The following GK variants were observed in gnomAD, a reference collection of about 807,000 sequenced individuals.
GK encodes ATP:glycerol 3-phosphotransferase.
Under a neutral mutation model 56.4 loss-of-function variants are expected in GK, and 9 were observed. That is an observed-to-expected ratio of 0.16 (90% CI 0.10 to 0.28). The LOEUF (loss-of-function observed/expected upper bound fraction) is 0.28, where lower values mean the gene tolerates loss of function less well. Among genes scored for constraint, GK ranks in the 10% least tolerant of loss-of-function variants. The probability of loss-of-function intolerance (pLI) is 1.00; values close to 1 mark genes in which losing one functional copy is unlikely to be tolerated. For missense variants in GK, 161 were observed against 431.4 expected, an observed-to-expected ratio of 0.37 and a Z score of 5.55; for synonymous variants, 104 against 144.1, an observed-to-expected ratio of 0.72 and a Z score of 1.99.
rs1249866822 is a variant in GK at position 30,670,918 on chromosome X, G to T, written c.259+2800G>T. 5.3e-4 allele frequency among the ~76,000 whole-genome samples: 57 copies of T among 108,060 alleles called. No individual in the cohort carries two copies. The Admixed American group carries it at 5.3e-3, about 10-fold the overall frequency. The allele number at this position is 108,060 out of a possible 115,157, so 93.8% of individuals were successfully genotyped here. The stretch of plus-strand genomic sequence containing the variant: ...GAATCGCTTGAACCCAGGAGGCAGA[G>T]GTTGTGGTGAGCCGAGATTGCCCCA... On this transcript the variant is annotated intron_variant, in intron 3 of 20. Coordinates refer to ENST00000427190, the MANE Select transcript of GK (RefSeq NM_001205019.2).
At chrX:30,684,392 G>A (rs1396733509) in intron 4 of GK, among the ~76,000 whole-genome samples, 1 of 112,213 alleles carries the variant, frequency 8.9e-6, no homozygotes, top group Non-Finnish European at 1.9e-5. Flanking sequence ...TAGGCCAGGC[G>A]TGGTGGCTCA....
In GK at chrX:30,712,674, C is replaced by T. The variant is rs914439902; in HGVS notation, c.975+4540C>T. Among the ~76,000 whole-genome samples the T allele has an allele frequency of 6.7e-5, 7 of 104,271 alleles. No individual in the cohort carries two copies. In the East Asian group the frequency reaches 1.5e-3, roughly 22 times the overall value. The allele number at this position is 104,271 out of a possible 115,157, so 90.5% of individuals were successfully genotyped here. ...AAAATCTGTGTTAGGCCGGAATGAA[C>T]TCTAGTCCAGCTATTAAGTTTGTTG... On this transcript the variant is annotated intron_variant, in intron 13 of 20. Coordinates refer to ENST00000427190, the MANE Select transcript of GK (RefSeq NM_001205019.2).
At chrX:30,719,749 G>T (rs190036220) in intron 15 of GK, among the ~76,000 whole-genome samples, 1 of 112,135 alleles carries the variant, frequency 8.9e-6, no homozygotes, top group African/African-American at 3.2e-5. Context: ...ATGTCTGTAA[G>T]TTGTATAGTG....
intron 1 of GK, among the ~76,000 whole-genome samples, chrX:30,657,007 C>T (rs1309394284): frequency 4.5e-5 from 5 of 111,543 alleles, no homozygotes. Flanking sequence ...TGCGCCACCA[C>T]GCCCGGCTAA....
At chrX:30,663,591 A>C (rs769943463) in intron 1 of GK, among the ~76,000 whole-genome samples, 1 of 111,149 alleles carries the variant, frequency 9.0e-6, no homozygotes, top group South Asian at 3.7e-4. Flanking sequence ...AAGATATTTT[A>C]TCTTCTCAAA....
rs368743449 is a variant in GK at position 30,662,809 on chromosome X, T to TTCTCTCTCTC, written c.79-2686_79-2677dup. Among the ~76,000 whole-genome samples, 334 of 62,185 alleles carry TTCTCTCTCTC rather than the reference T, an allele frequency of 5.4e-3. 7 individuals carry two copies. Among genetic ancestry groups the TTCTCTCTCTC allele is most frequent in the Non-Finnish European group, 8.3e-3 (285 of 34,144 alleles). 54.0% of individuals were successfully genotyped at this position (62,185 alleles called of 115,157 possible). A position where few individuals can be genotyped will look rare whatever the true frequency, so the allele number is the denominator to read the frequency against. The stretch of plus-strand genomic sequence containing the variant: ...TCTCTTTCTTTCCTTCCTTCCTTCC[T>TTCTCTCTCTC]TCTCTCTCTCTCTCTCTCTCTCTCT... On this transcript the variant is annotated intron_variant, in intron 1 of 20. Transcript: ENST00000427190.
rs200756856 is a variant in GK, at chrX:30,700,953, T to C, written c.851+48T>C. 509 of 822,822 alleles carry C rather than the reference T, an allele frequency of 6.2e-4. 5 individuals are homozygous for C. The East Asian group carries it at 0.013, about 22-fold the overall frequency. The allele number at this position is 822,822 out of a possible 1,213,427, so 67.8% of individuals were successfully genotyped here. On this transcript the variant is annotated intron_variant, in intron 11 of 20. Coordinates refer to ENST00000427190, the MANE Select transcript of GK (RefSeq NM_001205019.2). The stretch of plus-strand genomic sequence containing the variant: ...AAAACCAATGCTGTTTTGTTTTTTC[T>C]ACTTGGTGCTTTGAATAAGGAAAAG...
chrX:30,674,246 C>T (rs775695952), intron 3 of GK: 1 of 327,469 alleles, frequency 3.1e-6, no homozygotes, highest in Non-Finnish European at 6.0e-6. Flanking sequence ...AGCTATCTGG[C>T]CTCAGAGCCT....
At chrX:30,680,325 A>G (rs1266391469) in intron 4 of GK, among the ~76,000 whole-genome samples, 1 of 112,247 alleles carries the variant, frequency 8.9e-6, no homozygotes, top group African/African-American at 3.2e-5. Flanking sequence ...ATTGTGGAAA[A>G]GCTCTATAAC....
intron 4 of GK, among the ~76,000 whole-genome samples, chrX:30,686,705 A>C (rs935581277): frequency 8.9e-6 from 1 of 111,878 alleles, no homozygotes; most frequent in East Asian, 2.8e-4. Context: ...AACTACATTT[A>C]TCTTCACTCT....
Position 30,728,720 on chromosome X carries a change from TC to T in GK, c.1670-8del. On this transcript the variant is annotated splice_polypyrimidine_tract_variant and intron_variant, in intron 20 of 20. Transcript: ENST00000427190. Reference sequence around the variant, plus strand: ...TATTATTGACATATATGGTTTTTGTTCCCCATTTCAGGTATTCCATAAAACC... The same window carrying T: ...TATTATTGACATATATGGTTTTTGTTCCCATTTCAGGTATTCCATAAAACC... 8.8e-7 allele frequency: 1 copy of T among 1,141,888 alleles called. No homozygotes were observed. The allele number at this position is 1,141,888 out of a possible 1,213,427, so 94.1% of individuals were successfully genotyped here.
chrX:30,709,281 G>A (rs1399173269), intron 13 of GK, among the ~76,000 whole-genome samples: 1 of 111,578 alleles, frequency 9.0e-6, no homozygotes, highest in Non-Finnish European at 1.9e-5. Flanking sequence ...ACCTGGGACA[G>A]GCCTCAGGGA....
At chrX:30,674,479 C>A (rs1933744942) in intron 3 of GK, 2 of 293,787 alleles carry the variant, frequency 6.8e-6, no homozygotes, top group African/African-American at 5.4e-5. Flanking sequence ...AATCCATCCT[C>A]TCCTGTCACT....
In GK at chrX:30,711,118, TTTC is replaced by T. The variant is rs1273944094; in HGVS notation, c.975+2993_975+2995del. On this transcript the variant is annotated intron_variant, in intron 13 of 20. Transcript: ENST00000427190. ...TATTCCCACCTACTTTTTTCCTTTT[TTTC>T]TTCTTCTTTTTTTTTTTGCTGAGGG... 8.5e-5 allele frequency among the ~76,000 whole-genome samples: 6 copies of T among 70,222 alleles called. No homozygotes were observed. In the East Asian group the frequency reaches 3.1e-3, roughly 36 times the overall value. The allele number at this position is 70,222 out of a possible 115,157, so 61.0% of individuals were successfully genotyped here.
chrX:30,707,112 C>T (rs772550997), intron 11 of GK, among the ~76,000 whole-genome samples: 1 of 111,474 alleles, frequency 9.0e-6, no homozygotes, highest in Non-Finnish European at 1.9e-5. Context: ...GGGTGGATCA[C>T]GAAGTCAGGA....
At chrX:30,699,275 ATATATACAACATGT>A (rs1935481894) in intron 9 of GK, among the ~76,000 whole-genome samples, 1 of 57,410 alleles carries the variant, frequency 1.7e-5, no homozygotes. Context: ...TATAACATGT[ATATATACAACATGT>A]TATACATAAC....
At chrX:30,704,148 A>ATATATATATATATT (rs1396574044) in intron 11 of GK, among the ~76,000 whole-genome samples, 1 of 97,651 alleles carries the variant, frequency 1.0e-5, no homozygotes, top group Non-Finnish European at 2.0e-5. Flanking sequence ...ATATATATAT[A>ATATATATATATATT]TGAGATAGGG....
chrX:30,692,373 A>G (rs1934992013), intron 5 of GK, among the ~76,000 whole-genome samples: 1 of 111,980 alleles, frequency 8.9e-6, no homozygotes, highest in African/African-American at 3.2e-5. Flanking sequence ...TGATGAAAAT[A>G]AGATATTATG....
chrX:30,719,162 G>A (rs745375821), intron 14 of GK, among the ~76,000 whole-genome samples: 1 of 111,112 alleles, frequency 9.0e-6, no homozygotes, highest in African/African-American at 3.3e-5. Flanking sequence ...GTGGAAATGA[G>A]CTAAAATACC....
Sources: gnomAD v4.1 joint callset for allele counts (sites outside exome capture counted in the v4.1 genomes callset) on GRCh38, gnomAD v4.1.1 for gene constraint, MANE v1.5 for transcripts, NCBI Gene and HGNC (gene_info 2026-07-23, HGNC 2026-07-21) for gene names.